Variants in DNAJB1 observed in about 807,000 individuals in gnomAD.
DNAJB1 encodes DnaJ heat shock protein family (Hsp40) member B1, also known as dnaJ homolog subfamily B member 1.
In DNAJB1, 14 loss-of-function variants were observed where a neutral mutation model predicts 24.0. The observed-to-expected ratio is 0.58, with a 90% confidence interval of 0.39 to 0.91. The LOEUF (loss-of-function observed/expected upper bound fraction) is 0.91, where lower values mean the gene tolerates loss of function less well. DNAJB1 is among the 40% of genes least tolerant of loss of function. DNAJB1 has a pLI of 0.00. For missense variants in DNAJB1, 517 were observed against 458.1 expected (o/e 1.13, Z -1.17); for synonymous variants, 262 against 174.4 (o/e 1.50, Z -3.96).
chr19:14,535,970 G>A (rs1322346257), intron 1 of DNAJB1, among the ~76,000 whole-genome samples: 6 of 151,916 alleles, frequency 3.9e-5, no homozygotes, highest in Admixed American at 3.3e-4. Context: ...CCTGGCTGTA[G>A]CTTTGTACTT....
At chr19:14,541,350 C>G (rs1323898001) in intron 1 of DNAJB1, among the ~76,000 whole-genome samples, 2 of 152,200 alleles carry the variant, frequency 1.3e-5, no homozygotes, top group Non-Finnish European at 2.9e-5. Context: ...TGTTCCCCAT[C>G]ATCTCAACCC....
upstream of DNAJB1, among the ~76,000 whole-genome samples, chr19:14,522,451 C>CT (rs2072370947): frequency 6.8e-6 from 1 of 146,760 alleles, no homozygotes; most frequent in Non-Finnish European, 1.5e-5. Flanking sequence ...GGCCGCTGCA[C>CT]TCCAGCCTGG....
intron 1 of DNAJB1, among the ~76,000 whole-genome samples, chr19:14,547,652 G>A (rs2073349849): frequency 7.0e-6 from 1 of 142,160 alleles, no homozygotes; most frequent in Non-Finnish European, 1.5e-5. Flanking sequence ...GTGAGCCACT[G>A]TACCTAATAT....
upstream of DNAJB1, among the ~76,000 whole-genome samples, chr19:14,552,830 C>T (rs2073581473): frequency 6.6e-6 from 1 of 152,114 alleles, no homozygotes; most frequent in Admixed American, 6.5e-5. Flanking sequence ...GCCACTGCGC[C>T]CGGCCCAGTC....
chr19:14,520,078 A>G (rs1248628875), upstream of DNAJB1, among the ~76,000 whole-genome samples: 2 of 152,142 alleles, frequency 1.3e-5, no homozygotes, highest in Admixed American at 6.5e-5. Flanking sequence ...TGCTGGCCTT[A>G]GCTTCCTCAT....
chr19:14,515,675 T>C lies in DNAJB1; in HGVS notation c.*265A>G. On this transcript the variant is annotated 3_prime_UTR_variant, in exon 3 of 3. Transcript: ENST00000254322. ...GGGACTGGAGGTGGATGTGGGCCCA[T>C]CCCGGGAGGGCTGCCAGACCCAGTG... 1 of 431,620 alleles carries C rather than the reference T, an allele frequency of 2.3e-6. No individual in the cohort carries two copies. The highest frequency in any genetic ancestry group is 4.1e-6 in the Non-Finnish European group (1 of 242,084). The allele number at this position is 431,620 out of a possible 1,614,324, so 26.7% of individuals were successfully genotyped here.
At chr19:14,523,744 A>G (rs1568383986) in intron 2 of DNAJB1, among the ~76,000 whole-genome samples, 2 of 151,460 alleles carry the variant, frequency 1.3e-5, no homozygotes, top group African/African-American at 4.9e-5. Context: ...CAGCCTCCTG[A>G]GTAGTTGGGA....
Position 14,516,752 on chromosome 19 carries a change from C to T in DNAJB1, c.506G>A (p.Arg169Gln). ...KQDPPVTHDL[R>Q]VSLEEIYSGC... ...GCTGTAGATCTCTTCAAGGGAGACT[C>T]GAAGGTCGTGGGTGACTGGGGGATC... Residue 169 changes from arginine (R) to glutamine (Q), a missense_variant, in exon 2 of 3, where the codon CGA becomes CAA. Arg to Gln is a conservative substitution (Grantham distance 43). Coordinates refer to ENST00000254322, the MANE Select transcript of DNAJB1 (RefSeq NM_006145.3). 6.2e-7 allele frequency: 1 copy of T among 1,613,968 alleles called. No individual in the cohort carries two copies.
intron 1 of DNAJB1, 40 bp from the exon 2 acceptor site, chr19:14,517,086 CAG>C (rs769832083): frequency 1.9e-6 from 3 of 1,558,916 alleles, no homozygotes. Context: ...GGCTGAACAG[CAG>C]ACTCTCTCTC....
Position 14,543,407 on chromosome 19 carries a change from ATATATATATATATTTTTTTTTTTTT to A in DNAJB1, c.-214+6776_-214+6800del, listed in dbSNP as rs1271311816. ...TCAGAGAATATATATATATATATAT[ATATATATATATATTTTTTTTTTTTT>A]TTTTTTTTTTTTTTTTTTTTTTTTG... On this transcript the variant is annotated intron_variant, in intron 1 of 3. Coordinates refer to the DNAJB1 transcript ENST00000676982. 4.8e-3 allele frequency among the ~76,000 whole-genome samples: 56 copies of A among 11,722 alleles called. 1 individual carries two copies. In the South Asian group the frequency reaches 0.077, roughly 16 times the overall value. The allele number at this position is 11,722 out of a possible 152,430, so 7.7% of individuals were successfully genotyped here.
At chr19:14,543,419 A>ATTTT (rs1169742953) in intron 1 of DNAJB1, among the ~76,000 whole-genome samples, 2 of 21,892 alleles carry the variant, frequency 9.1e-5, no homozygotes, top group Non-Finnish European at 1.4e-4. Context: ...ATATATATAT[A>ATTTT]TTTTTTTTTT....
At position 14,516,510 on chromosome 19, in the gene DNAJB1, C is replaced by T. The variant is rs1417674736; in HGVS notation, c.748G>A (p.Asp250Asn). The T allele has an allele frequency of 4.3e-6, 7 of 1,614,014 alleles. No individual in the cohort carries two copies. The East Asian group carries it at 1.1e-4, about 26-fold the overall frequency. Residue 250 changes from aspartate (D) to asparagine (N), a missense_variant, in exon 2 of 3, where the codon GAT (aspartate) becomes AAT (asparagine). Transcript: ENST00000254322. ...KDKPHNIFKR[D>N]GSDVIYPARI... ...GCAGGATAAATGACATCAGAGCCAT[C>T]TCTCTTAAAGATATTGTGGGGCTTG...
At chr19:14,537,098 AGG>A (rs993996016) in intron 1 of DNAJB1, among the ~76,000 whole-genome samples, 1 of 112,564 alleles carries the variant, frequency 8.9e-6, no homozygotes, top group Non-Finnish European at 1.8e-5. Flanking sequence ...GAGGAGGAGG[AGG>A]GGGCAGGGCT....
chr19:14,556,845 T>A (rs2073744389), intron 1 of DNAJB1, among the ~76,000 whole-genome samples: 1 of 152,030 alleles, frequency 6.6e-6, no homozygotes, highest in South Asian at 2.1e-4. Flanking sequence ...GTGGGGAGCG[T>A]CGCAGCCTCC....
Position 14,528,815 on chromosome 19 carries a change from G to C in DNAJB1, c.-175+395C>G, listed in dbSNP as rs1939088170. 3.3e-5 allele frequency among the ~76,000 whole-genome samples: 5 copies of C among 152,152 alleles called. No homozygotes were observed. In the South Asian group the frequency reaches 1.0e-3, roughly 32 times the overall value. ...AAAAATTAGTCGGGCGTGGTGGCGG[G>C]TGCCTGTAATCTCATCTACTTGGGA... is the stretch of plus-strand genomic sequence containing the variant. On this transcript the variant is annotated intron_variant, in intron 1 of 3. Coordinates refer to the DNAJB1 transcript ENST00000396969.
Position 14,516,745 on chromosome 19 carries a change from G to T in DNAJB1, c.513C>A (p.Ser171=). The change falls in exon 2 of 3, where the codon TCC becomes TCA. Residue 171 remains serine, a synonymous_variant. Transcript: ENST00000254322. The stretch of plus-strand genomic sequence containing the variant: ...TACAGCCGCTGTAGATCTCTTCAAG[G>T]GAGACTCGAAGGTCGTGGGTGACTG... ...DPPVTHDLRV[S]LEEIYSGCTK... is the part of the protein sequence containing the mutation. 6.2e-7 allele frequency: 1 copy of T among 1,614,018 alleles called. No individual in the cohort carries two copies. Among genetic ancestry groups the T allele is most frequent in the Admixed American group, 1.7e-5 (1 of 60,016 alleles).
At chr19:14,518,403 C>T (rs1285642624), upstream of DNAJB1, 70 of 1,496,130 alleles carry the variant, frequency 4.7e-5, no homozygotes, top group Non-Finnish European at 5.7e-5. Context: ...GCTCCGCCGC[C>T]GACCAGTCCC....
At chr19:14,552,835 C>T (rs951706800), upstream of DNAJB1, among the ~76,000 whole-genome samples, 1 of 152,082 alleles carries the variant, frequency 6.6e-6, no homozygotes, top group Non-Finnish European at 1.5e-5. Flanking sequence ...TGCGCCCGGC[C>T]CAGTCTTTTT....
rs201408385 is a variant in DNAJB1 at position 14,516,810 on chromosome 19, G to C, written c.448C>G (p.Arg150Gly). The C allele has an allele frequency of 6.2e-7, 1 of 1,613,800 alleles. No homozygotes were observed. Among genetic ancestry groups the C allele is most frequent in the Non-Finnish European group, 8.5e-7 (1 of 1,179,960 alleles). Residue 150 changes from arginine to glycine, a missense_variant, in exon 2 of 3, where the codon CGC (arginine) becomes GGC (glycine). Transcript: ENST00000254322. The stretch of plus-strand genomic sequence containing the variant: ...TTTCGGGCGGGCTCTTGGGCAGAGC[G>C]GGAGCGGCCAAAGTTCACGTTGGTG... ...GFTNVNFGRS[R>G]SAQEPARKKQ...
Sources: allele counts gnomAD v4.1 joint callset (sites outside exome capture counted in the v4.1 genomes callset), GRCh38; gene constraint gnomAD v4.1.1; transcripts MANE v1.5; gene names NCBI Gene and HGNC (gene_info 2026-07-23, HGNC 2026-07-21).